The following KCNIP4 variants were observed in gnomAD, a reference collection of about 807,000 sequenced individuals.
KCNIP4 encodes the protein Kv channel-interacting protein 4.
Under a neutral mutation model 34.0 loss-of-function variants are expected in KCNIP4, and 12 were observed. The observed-to-expected ratio is 0.35, with a 90% confidence interval of 0.23 to 0.57. The LOEUF (loss-of-function observed/expected upper bound fraction) is 0.57. KCNIP4 is among the 20% of genes least tolerant of loss of function. KCNIP4 has a pLI of 0.83. For missense variants in KCNIP4, 238 were observed against 311.7 expected, an observed-to-expected ratio of 0.76 and a Z score of 1.78; for synonymous variants, 124 against 102.2, an observed-to-expected ratio of 1.21 and a Z score of -1.29.
At position 21,308,082 on chromosome 4, in the gene KCNIP4, G is replaced by A. The variant is rs149145249; in HGVS notation, c.62-425373C>T. Among the ~76,000 whole-genome samples, 308 of 152,284 alleles carry A rather than the reference G, an allele frequency of 2.0e-3. 1 individual carries two copies. The highest frequency in any genetic ancestry group is 0.014 in the East Asian group (74 of 5,178). ...ATGCAACTCTTACCTTCAAGTCGCA[G>A]CGTGGATTCAAACTAAAATATTAAT... On this transcript the variant is annotated intron_variant, in intron 1 of 8. Coordinates refer to ENST00000382152, the MANE Select transcript of KCNIP4 (RefSeq NM_025221.6).
At chr4:20,836,614 A>G (rs539573820) in intron 3 of KCNIP4, among the ~76,000 whole-genome samples, 1 of 152,272 alleles carries the variant, frequency 6.6e-6, no homozygotes, top group South Asian at 2.1e-4. Context: ...TTCTCTGGGA[A>G]ACCTCAGTTT....
chr4:21,044,816 G>A (rs1742297309), intron 1 of KCNIP4, among the ~76,000 whole-genome samples: 1 of 152,154 alleles, frequency 6.6e-6, no homozygotes, highest in Admixed American at 6.5e-5. Flanking sequence ...CATGTCCAGG[G>A]GAATCCTCTT....
chr4:21,693,414 A>G (rs1426960837), intron 1 of KCNIP4, among the ~76,000 whole-genome samples: 1 of 152,122 alleles, frequency 6.6e-6, no homozygotes, highest in African/African-American at 2.4e-5. Context: ...TACAAAAATT[A>G]GCAGAGCTTG....
chr4:21,582,100 G>T (rs2109074649), intron 1 of KCNIP4: 1 of 120,154 alleles, frequency 8.3e-6, no homozygotes, highest in Non-Finnish European at 1.9e-5. Context: ...ATGGGATATT[G>T]TCAGAGAATA....
chr4:20,979,803 G>A (rs1262861852), intron 1 of KCNIP4, among the ~76,000 whole-genome samples: 4 of 152,058 alleles, frequency 2.6e-5, no homozygotes, highest in African/African-American at 9.7e-5. Flanking sequence ...AAGTCTTTAA[G>A]TCAATGGCTC....
intron 1 of KCNIP4, among the ~76,000 whole-genome samples, chr4:21,763,548 G>A (rs943584901): frequency 6.6e-6 from 1 of 152,134 alleles, no homozygotes; most frequent in African/African-American, 2.4e-5. Context: ...CCATTCTAGA[G>A]TGTCTTCTGA....
chr4:21,798,508 C>A (rs533601312), intron 1 of KCNIP4, among the ~76,000 whole-genome samples: 2,447 of 74,166 alleles, frequency 0.033, 96 homozygotes, highest in African/African-American at 0.13. Context: ...AAGCAAGACC[C>A]TGGGAAAAAA....
intron 1 of KCNIP4, among the ~76,000 whole-genome samples, chr4:21,405,319 A>G (rs936366886): frequency 6.6e-6 from 1 of 152,114 alleles, no homozygotes; most frequent in Non-Finnish European, 1.5e-5. Flanking sequence ...ACCCATCACA[A>G]TGGTCATGAA....
At chr4:21,455,832 T>TTCC (rs1728905337) in intron 1 of KCNIP4, among the ~76,000 whole-genome samples, 6 of 123,120 alleles carry the variant, frequency 4.9e-5, no homozygotes, top group African/African-American at 2.2e-4. Context: ...TATATATATA[T>TTCC]ATATATATAT....
intron 1 of KCNIP4, among the ~76,000 whole-genome samples, chr4:21,592,234 C>T (rs1742276015): frequency 6.6e-6 from 1 of 152,040 alleles, no homozygotes; most frequent in South Asian, 2.1e-4. Context: ...CAGAATGTGG[C>T]TATTGTTGGA....
chr4:21,771,580 G>A (rs1363699699), intron 1 of KCNIP4, among the ~76,000 whole-genome samples: 2 of 152,146 alleles, frequency 1.3e-5, no homozygotes, highest in Non-Finnish European at 2.9e-5. Context: ...CATGAGGATG[G>A]AATGTTTTCC....
chr4:21,485,538 C>T (rs887007030), intron 1 of KCNIP4, among the ~76,000 whole-genome samples: 8 of 152,186 alleles, frequency 5.3e-5, no homozygotes, highest in African/African-American at 1.7e-4. Context: ...ATTTTACGCT[C>T]TGGCATATTC....
intron 1 of KCNIP4, among the ~76,000 whole-genome samples, chr4:21,066,572 C>T (rs1281200816): frequency 1.3e-5 from 2 of 151,018 alleles, no homozygotes; most frequent in Non-Finnish European, 3.0e-5. Context: ...GAGAGAATGT[C>T]TGCGCCTGGG....
intron 1 of KCNIP4, among the ~76,000 whole-genome samples, chr4:21,159,202 A>C (rs1429511846): frequency 1.3e-5 from 2 of 152,182 alleles, no homozygotes; most frequent in Non-Finnish European, 2.9e-5. Context: ...CAGTGCCAGA[A>C]TTCAAGACTG....
At chr4:21,355,061 T>C (rs576102494) in intron 1 of KCNIP4, among the ~76,000 whole-genome samples, 1 of 152,136 alleles carries the variant, frequency 6.6e-6, no homozygotes, top group African/African-American at 2.4e-5. Context: ...ACTGGGTAAA[T>C]AACAAAATGA....
At chr4:21,247,918 C>G (rs1425963451) in intron 1 of KCNIP4, among the ~76,000 whole-genome samples, 1 of 135,674 alleles carries the variant, frequency 7.4e-6, no homozygotes, top group Non-Finnish European at 1.5e-5. Context: ...TACACACACA[C>G]ACATATATAT....
intron 1 of KCNIP4, among the ~76,000 whole-genome samples, chr4:21,007,529 CA>C (rs1382267796): frequency 2.0e-5 from 3 of 152,036 alleles, no homozygotes; most frequent in African/African-American, 7.2e-5. Context: ...CCCATTAAAC[CA>C]TCTTCTCTAC....
chr4:21,000,983 T>C (rs943991357), intron 1 of KCNIP4, among the ~76,000 whole-genome samples: 1 of 152,230 alleles, frequency 6.6e-6, no homozygotes, highest in Non-Finnish European at 1.5e-5. Context: ...ACCACTATCA[T>C]ATAAACTACA....
intron 1 of KCNIP4, among the ~76,000 whole-genome samples, chr4:21,386,122 A>T (rs1722007696): frequency 4.6e-5 from 7 of 152,186 alleles, no homozygotes; most frequent in Admixed American, 4.6e-4. Flanking sequence ...AAATTAACTA[A>T]CTTTTCAGAA....
Sources: allele counts gnomAD v4.1 joint callset (sites outside exome capture counted in the v4.1 genomes callset), GRCh38; gene constraint gnomAD v4.1.1; transcripts MANE v1.5; gene names NCBI Gene and HGNC (gene_info 2026-07-23, HGNC 2026-07-21).